Variants in OSBPL6 observed in about 807,000 individuals in gnomAD.
The protein encoded by OSBPL6 is oxysterol binding protein like 6.
OSBPL6 carries 49 observed loss-of-function variants against 125.8 expected under a neutral mutation model. The observed-to-expected ratio is 0.39, with a 90% confidence interval of 0.31 to 0.49. The LOEUF (loss-of-function observed/expected upper bound fraction) is 0.49. Ranked by LOEUF, OSBPL6 falls within the 20% of genes least tolerant of loss-of-function variation. The probability of loss-of-function intolerance (pLI) is 0.88; values close to 1 mark genes in which losing one functional copy is unlikely to be tolerated. For missense variants in OSBPL6, 986 were observed against 1,135.4 expected, an observed-to-expected ratio of 0.87 and a Z score of 1.89; for synonymous variants, 394 against 391.8, an observed-to-expected ratio of 1.01 and a Z score of -0.07.
At position 178,336,351 on chromosome 2, in the gene OSBPL6, C is replaced by T; in HGVS notation, c.708C>T (p.Ser236=). The change falls in exon 9 of 25, where the codon AGC becomes AGT. Residue 236 remains serine (S), a synonymous_variant. Coordinates refer to ENST00000190611, the MANE Select transcript of OSBPL6 (RefSeq NM_032523.4). ...PWQSPLPCSN[S]LPATCTTGQS... ...AGTCCCCTTTACCATGCAGCAATAG[C>T]CTCCCTGCAACGTGCACAACTGGCC... is the stretch of plus-strand genomic sequence containing the variant. 5 of 1,614,076 alleles carry T rather than the reference C, an allele frequency of 3.1e-6. No individual in the cohort carries two copies. The highest frequency in any genetic ancestry group is 4.2e-6 in the Non-Finnish European group (5 of 1,179,986).
In OSBPL6 at chr2:178,326,086, T is replaced by C. The variant is rs1688672534; in HGVS notation, c.195+1817T>C. On this transcript the variant is annotated intron_variant, in intron 4 of 24. Transcript: ENST00000190611. ...CAGCCCCTTTGAGAGATGGGCTTCCTGGGCACTGATTAGTGGTGGAAGAAT... is the reference window on the plus strand; with the variant it reads ...CAGCCCCTTTGAGAGATGGGCTTCCCGGGCACTGATTAGTGGTGGAAGAAT... Among the ~76,000 whole-genome samples the C allele has an allele frequency of 2.0e-5, 3 of 150,930 alleles. No homozygotes were observed. The South Asian group carries it at 6.3e-4, about 32-fold the overall frequency.
At chr2:178,323,020 CCTT>C (rs1168276068) in intron 3 of OSBPL6, among the ~76,000 whole-genome samples, 1 of 151,666 alleles carries the variant, frequency 6.6e-6, no homozygotes, top group East Asian at 1.9e-4. Context: ...AGATTTGTTT[CCTT>C]CTTTTATGCT....
Position 178,298,696 on chromosome 2 carries a change from T to G in OSBPL6, c.-155-7334T>G, listed in dbSNP as rs972565231. On this transcript the variant is annotated intron_variant, in intron 2 of 24. Transcript: ENST00000190611. ...CCATGCCCAGCCTATTTTTAGTTGC[T>G]TTTTTTTTTGTTTTTTTTTTTTTGC... Among the ~76,000 whole-genome samples, 4 of 141,586 alleles carry G rather than the reference T, an allele frequency of 2.8e-5. No individual in the cohort carries two copies. In the East Asian group the frequency reaches 9.1e-4, roughly 32 times the overall value. 92.9% of individuals were successfully genotyped at this position (141,586 alleles called of 152,430 possible).
chr2:178,247,616 C>G (rs1291850044), intron 1 of OSBPL6, among the ~76,000 whole-genome samples: 1 of 152,158 alleles, frequency 6.6e-6, no homozygotes, highest in Non-Finnish European at 1.5e-5. Context: ...CAGCACCCCT[C>G]CTCTGTAGCT....
chr2:178,222,800 C>G (rs1237481883), intron 1 of OSBPL6, among the ~76,000 whole-genome samples: 1 of 152,120 alleles, frequency 6.6e-6, no homozygotes, highest in Non-Finnish European at 1.5e-5. Context: ...ATAAAAATCT[C>G]CTATAAATGA....
At chr2:178,394,832 T>C (rs1047139295) in intron 24 of OSBPL6, among the ~76,000 whole-genome samples, 1 of 152,186 alleles carries the variant, frequency 6.6e-6, no homozygotes, top group African/African-American at 2.4e-5. Flanking sequence ...GTGTTTAGAT[T>C]TGGTCTCTCT....
intron 1 of OSBPL6, among the ~76,000 whole-genome samples, chr2:178,216,899 C>T (rs756751821): frequency 1.3e-5 from 2 of 152,030 alleles, no homozygotes; most frequent in Non-Finnish European, 2.9e-5. Context: ...AAGGAAAGAC[C>T]GAGAAACTAC....
At chr2:178,351,849 G>T (rs543188654) in intron 12 of OSBPL6, among the ~76,000 whole-genome samples, 24 of 152,302 alleles carry the variant, frequency 1.6e-4, no homozygotes, top group Non-Finnish European at 2.2e-4. Flanking sequence ...AGGGTGGAGG[G>T]TGGGAGGAGG....
chr2:178,278,739 A>G (rs2092519796), intron 1 of OSBPL6, among the ~76,000 whole-genome samples: 1 of 152,230 alleles, frequency 6.6e-6, no homozygotes, highest in Non-Finnish European at 1.5e-5. Flanking sequence ...AGATACCCTC[A>G]GTGAACTTGA....
chr2:178,264,879 C>A (rs926591638), intron 1 of OSBPL6, among the ~76,000 whole-genome samples: 2 of 151,650 alleles, frequency 1.3e-5, no homozygotes, highest in East Asian at 3.9e-4. Context: ...CATAGGATAC[C>A]AGGATACTTT....
rs576671222 is a variant in OSBPL6 at position 178,397,314 on chromosome 2, G to C, written c.*1755G>C. On this transcript the variant is annotated 3_prime_UTR_variant, in exon 25 of 25. Coordinates refer to ENST00000190611, the MANE Select transcript of OSBPL6 (RefSeq NM_032523.4). ...GAATTTCATTCTCAGGTAAATTTTC[G>C]AATCCATCACCAGATCTAAGCATTC... 3.9e-5 allele frequency: 6 copies of C among 152,116 alleles called. No homozygotes were observed. Among genetic ancestry groups the C allele is most frequent in the Non-Finnish European group, 8.8e-5 (6 of 68,024 alleles). The allele number at this position is 152,116 out of a possible 1,614,324, so 9.4% of individuals were successfully genotyped here.
At chr2:178,204,169 G>T (rs140698402) in intron 1 of OSBPL6, among the ~76,000 whole-genome samples, 1,929 of 152,034 alleles carry the variant, frequency 0.013, 32 homozygotes, top group African/African-American at 0.044. Context: ...GACTACGGGT[G>T]CATGCCACCA....
intron 13 of OSBPL6, among the ~76,000 whole-genome samples, chr2:178,367,947 A>G (rs1006241746): frequency 2.6e-5 from 4 of 152,162 alleles, no homozygotes; most frequent in Admixed American, 2.6e-4. Context: ...CTTCTTGCTC[A>G]TTGGCTGGTT....
intron 2 of OSBPL6, among the ~76,000 whole-genome samples, chr2:178,303,874 T>A (rs62176070): frequency 4.7e-4 from 71 of 152,134 alleles, no homozygotes; most frequent in African/African-American, 1.5e-3. Context: ...CCTCCTCATC[T>A]TCTTTACTTC....
intron 15 of OSBPL6, among the ~76,000 whole-genome samples, chr2:178,375,908 G>A (rs569298094): frequency 1.1e-4 from 17 of 152,352 alleles, no homozygotes; most frequent in African/African-American, 3.4e-4. Flanking sequence ...TGAAGAGGAT[G>A]TGAAGCAGGT....
intron 1 of OSBPL6, among the ~76,000 whole-genome samples, chr2:178,213,777 T>C (rs1285080102): frequency 6.6e-6 from 1 of 152,228 alleles, no homozygotes; most frequent in Non-Finnish European, 1.5e-5. Context: ...GACTGACTGG[T>C]CATCTTTTAG....
At chr2:178,209,085 T>C (rs890507421) in intron 1 of OSBPL6, among the ~76,000 whole-genome samples, 23 of 152,190 alleles carry the variant, frequency 1.5e-4, no homozygotes, top group Non-Finnish European at 1.3e-4. Context: ...TCTCTCTTTA[T>C]GTTCAATCTT....
chr2:178,292,783 A>G (rs1283586754), intron 2 of OSBPL6, among the ~76,000 whole-genome samples: 2 of 152,150 alleles, frequency 1.3e-5, no homozygotes, highest in South Asian at 2.1e-4. Context: ...CAGTACACAG[A>G]TAATATAAAT....
chr2:178,215,903 C>T (rs1187907723), intron 1 of OSBPL6, among the ~76,000 whole-genome samples: 2 of 152,170 alleles, frequency 1.3e-5, no homozygotes, highest in African/African-American at 4.8e-5. Flanking sequence ...TGTGCATCTA[C>T]ACTGGGTCTG....
Sources: allele counts gnomAD v4.1 joint callset (sites outside exome capture counted in the v4.1 genomes callset), GRCh38; gene constraint gnomAD v4.1.1; transcripts MANE v1.5; gene names NCBI Gene and HGNC (gene_info 2026-07-23, HGNC 2026-07-21).